Variants in OSR1 observed in about 807,000 individuals in gnomAD.
OSR1 encodes the protein odd-skipped related transcription factor 1.
In OSR1, 3 loss-of-function variants were observed where a neutral mutation model predicts 15.7. The ratio of observed to expected loss-of-function variants is 0.19; its 90% CI spans 0.09 to 0.50. The LOEUF is 0.50. OSR1 is among the 20% of genes least tolerant of loss of function. The probability of loss-of-function intolerance (pLI) is 0.97; values close to 1 mark genes in which losing one functional copy is unlikely to be tolerated. For synonymous variants in OSR1, 166 were observed against 152.7 expected (o/e 1.09, Z -0.64); for missense variants, 271 against 351.1 (o/e 0.77, Z 1.82).
downstream of OSR1, among the ~76,000 whole-genome samples, chr2:19,350,909 G>T (rs1200248608): frequency 6.6e-6 from 1 of 152,142 alleles, no homozygotes. Context: ...TTGTGTCTGA[G>T]GGACCCTAAG....
chr2:19,353,520 T>G lies in OSR1; in HGVS notation c.286A>C (p.Ile96Leu), dbSNP rs543452352. The G allele has an allele frequency of 2.5e-5, 41 of 1,614,076 alleles. No individual in the cohort carries two copies. The South Asian group carries it at 4.4e-4, about 17-fold the overall frequency. The change falls in exon 2 of 3, where the codon ATT becomes CTT. Residue 96 changes from isoleucine to leucine, a missense_variant. Physicochemically the swap from Ile to Leu is conservative, Grantham distance 5 (BLOSUM62 2). Around this residue, in one of 4 missense-constraint regions of OSR1, gnomAD observed 210 missense variants for 218.4 expected, o/e 0.96. Coordinates refer to ENST00000272223, the MANE Select transcript of OSR1 (RefSeq NM_145260.3). The part of the protein sequence containing the change: ...LPAFPWFPHV[I>L]QPKPEITAGG... ...GCGGTGATCTCGGGCTTGGGTTGAA[T>G]GACATGAGGGAACCAGGGAAAGGCG...
In OSR1 at chr2:19,351,962, C is replaced by T. The variant is rs1041878582; in HGVS notation, c.*313G>A. ...TAAAATAACAATAGAAAAAGTAATA[C>T]TTCTGGGAGAGGCGCCGCTGCGGCT... On this transcript the variant is annotated 3_prime_UTR_variant, in exon 3 of 3. Transcript: ENST00000272223. The T allele has an allele frequency of 2.1e-5, 6 of 283,152 alleles. No homozygotes were observed. Among genetic ancestry groups the T allele is most frequent in the Non-Finnish European group, 4.0e-5 (6 of 151,778 alleles). 17.5% of individuals were successfully genotyped at this position (283,152 alleles called of 1,614,324 possible). A position where few individuals can be genotyped will look rare whatever the true frequency, so the allele number is the denominator to read the frequency against.
chr2:19,345,063 T>C, the OSR1 span, among the ~76,000 whole-genome samples: 48 of 152,262 alleles, frequency 3.2e-4, 2 homozygotes, highest in African/African-American at 9.6e-4. Context: ...TATATGTATA[T>C]ATAATTTATA....
rs1037712901 is a variant in OSR1, at chr2:19,352,180, G to C, written c.*95C>G. The C allele has an allele frequency of 3.4e-5, 48 of 1,409,002 alleles. No individual in the cohort carries two copies. Among genetic ancestry groups the C allele is most frequent in the Non-Finnish European group, 4.6e-5 (47 of 1,029,174 alleles). 87.3% of individuals were successfully genotyped at this position (1,409,002 alleles called of 1,614,324 possible). A position where few individuals can be genotyped will look rare whatever the true frequency, so the allele number is the denominator to read the frequency against. The stretch of plus-strand genomic sequence containing the variant: ...GTTGGAGAGGTGGAAGGTCCCGAGC[G>C]AGCGCCTCTCCCGCTGCCCGCCAGA... On this transcript the variant is annotated 3_prime_UTR_variant, in exon 3 of 3. Transcript: ENST00000272223.
rs1475422208 is a variant in OSR1 at position 19,352,199 on chromosome 2, C to T, written c.*76G>A. ...CCGAGCGAGCGCCTCTCCCGCTGCC[C>T]GCCAGAGTCAGGCTTCTGGTCCCTA... is the stretch of plus-strand genomic sequence containing the variant. On this transcript the variant is annotated 3_prime_UTR_variant, in exon 3 of 3. Transcript: ENST00000272223. 4 of 1,514,950 alleles carry T rather than the reference C, an allele frequency of 2.6e-6. No homozygotes were observed. The highest frequency in any genetic ancestry group is 1.4e-5 in the African/African-American group (1 of 71,766). The allele number at this position is 1,514,950 out of a possible 1,614,324, so 93.8% of individuals were successfully genotyped here.
chr2:19,352,505 C>T (rs1208218980), intron 2 of OSR1, 95 bp from the exon 3 acceptor site: 13 of 1,459,802 alleles, frequency 8.9e-6, no homozygotes, highest in South Asian at 2.5e-5. Flanking sequence ...GGCACTTGCC[C>T]TCAAAGGAAA....
downstream of OSR1, among the ~76,000 whole-genome samples, chr2:19,346,943 C>CCCAGGA (rs1664739626): frequency 6.6e-6 from 1 of 152,206 alleles, no homozygotes; most frequent in Admixed American, 6.5e-5. Flanking sequence ...GTTCCACAAA[C>CCCAGGA]GTGTGGTGAG....
At chr2:19,356,594 C>T (rs1482259438) in intron 1 of OSR1, 4 of 152,294 alleles carry the variant, frequency 2.6e-5, no homozygotes, top group Admixed American at 2.6e-4. Context: ...GCTCCGGTTT[C>T]CCAGACCGCG....
chr2:19,352,103 G>T lies in OSR1; in HGVS notation c.*172C>A. The T allele has an allele frequency of 1.5e-6, 1 of 646,904 alleles. No individual in the cohort carries two copies. The highest frequency in any genetic ancestry group is 2.4e-6 in the Non-Finnish European group (1 of 409,648). 40.1% of individuals were successfully genotyped at this position (646,904 alleles called of 1,614,324 possible). A position where few individuals can be genotyped will look rare whatever the true frequency, so the allele number is the denominator to read the frequency against. ...AGCAGCAGGGACGGTCGGGGTCGCGGCCCCGGGCGGGGCTCTGAAGTGCCG... is the reference window on the plus strand; with the variant it reads ...AGCAGCAGGGACGGTCGGGGTCGCGTCCCCGGGCGGGGCTCTGAAGTGCCG... On this transcript the variant is annotated 3_prime_UTR_variant, in exon 3 of 3. Coordinates refer to ENST00000272223, the MANE Select transcript of OSR1 (RefSeq NM_145260.3).
At chr2:19,348,023 T>C (rs1302125759), downstream of OSR1, among the ~76,000 whole-genome samples, 1 of 152,220 alleles carries the variant, frequency 6.6e-6, no homozygotes, top group African/African-American at 2.4e-5. Flanking sequence ...CCAGCAGCAC[T>C]GGCCTGCGAG....
At chr2:19,349,547 T>C (rs1558358041), downstream of OSR1, among the ~76,000 whole-genome samples, 1 of 152,218 alleles carries the variant, frequency 6.6e-6, no homozygotes, top group Non-Finnish European at 1.5e-5. Context: ...TTGCAGACCT[T>C]GGACTGGGTG....
intron 2 of OSR1, 96 bp downstream of exon 2, chr2:19,353,045 T>G (rs1227047912): frequency 7.0e-7 from 1 of 1,419,902 alleles, no homozygotes; most frequent in Non-Finnish European, 9.6e-7. Flanking sequence ...CTCCAGAGGC[T>G]TGGAGCCAGT....
downstream of OSR1, among the ~76,000 whole-genome samples, chr2:19,348,268 A>G (rs1425092719): frequency 6.7e-6 from 1 of 149,546 alleles, no homozygotes; most frequent in Non-Finnish European, 1.5e-5. Flanking sequence ...GGATCGTGTT[A>G]GTGGAGACGA....
chr2:19,355,246 C>T (rs1241971858), intron 1 of OSR1: 1 of 152,370 alleles, frequency 6.6e-6, no homozygotes, highest in Non-Finnish European at 1.5e-5. Flanking sequence ...GCTTCAATCC[C>T]CTGCTGTTGA....
downstream of OSR1, among the ~76,000 whole-genome samples, chr2:19,351,294 AAT>A (rs1664834010): frequency 6.6e-6 from 1 of 152,042 alleles, no homozygotes. Flanking sequence ...TAGGAAAATC[AAT>A]ACATGGTGGG....
In OSR1 at chr2:19,352,094, G is replaced by T; in HGVS notation, c.*181C>A. 1.7e-6 allele frequency: 1 copy of T among 580,002 alleles called. No homozygotes were observed. Among genetic ancestry groups the T allele is most frequent in the Non-Finnish European group, 2.9e-6 (1 of 349,020 alleles). 35.9% of individuals were successfully genotyped at this position (580,002 alleles called of 1,614,324 possible). ...TCCTAGGGGAGCAGCAGGGACGGTC[G>T]GGGTCGCGGCCCCGGGCGGGGCTCT... is the stretch of plus-strand genomic sequence containing the variant. On this transcript the variant is annotated 3_prime_UTR_variant, in exon 3 of 3. Transcript: ENST00000272223.
At chr2:19,345,677 T>G in the OSR1 span, among the ~76,000 whole-genome samples, 1 of 152,192 alleles carries the variant, frequency 6.6e-6, no homozygotes, top group Non-Finnish European at 1.5e-5. Flanking sequence ...GCTCAACTAT[T>G]TCAGTGTCCA....
rs893197225 is a variant in OSR1, at chr2:19,353,363, C to T, written c.443G>A (p.Gly148Asp). ...CAGCTTGGTCACGTCGAGGAGGGCA[C>T]CCAGCCCACCTGCAGGGGAGCCTGG... is the stretch of plus-strand genomic sequence containing the variant. ...EGPGSPAGGLGALLDVTKLSP... is the reference protein window; with the variant it reads ...EGPGSPAGGLDALLDVTKLSP... The change falls in exon 2 of 3, where the codon GGT (glycine) becomes GAT (aspartate). Residue 148 changes from glycine (G) to aspartate (D), a missense_variant. Physicochemically the swap from Gly to Asp is moderately conservative, Grantham distance 94. This residue lies in a region of OSR1 where 210 missense variants were observed against 218.4 expected (regional missense o/e 0.96). Transcript: ENST00000272223. 1.4e-5 allele frequency: 22 copies of T among 1,614,088 alleles called. No individual in the cohort carries two copies. Among genetic ancestry groups the T allele is most frequent in the African/African-American group, 4.0e-5 (3 of 74,944 alleles).
chr2:19,345,841 A>G, the OSR1 span, among the ~76,000 whole-genome samples: 1 of 152,242 alleles, frequency 6.6e-6, no homozygotes, highest in African/African-American at 2.4e-5. Context: ...AAAGACATTC[A>G]GTTCTGGACC....
Sources: gnomAD v4.1 joint callset for allele counts (sites outside exome capture counted in the v4.1 genomes callset) on GRCh38, gnomAD v4.1.1 for gene constraint, gnomAD v4.1.1 regional missense constraint, MANE v1.5 for transcripts, NCBI Gene and HGNC (gene_info 2026-07-23, HGNC 2026-07-21) for gene names.